The following CFAP54 variants were observed in gnomAD, a reference collection of about 807,000 sequenced individuals.
The protein encoded by CFAP54 is cilia and flagella associated protein 54, also known as cilia- and flagella-associated protein 54.
A neutral mutation model predicts 370.4 loss-of-function variants in CFAP54; 290 were observed. That is an observed-to-expected ratio of 0.78 (90% CI 0.71 to 0.86). The LOEUF is 0.86. Ranked by LOEUF, CFAP54 falls within the 40% of genes least tolerant of loss-of-function variation. The pLI is 0.00. For missense variants in CFAP54, 3,399 were observed against 3,528.7 expected, an observed-to-expected ratio of 0.96 and a Z score of 0.93; for synonymous variants, 1,206 against 1,236.5, an observed-to-expected ratio of 0.98 and a Z score of 0.52.
intron 28 of CFAP54, among the ~76,000 whole-genome samples, chr12:96,625,303 T>G (rs1033693143): frequency 6.6e-6 from 1 of 152,198 alleles, no homozygotes; most frequent in African/African-American, 2.4e-5. Context: ...AATGTCATAG[T>G]TAGAATTTGA....
intron 17 of CFAP54, chr12:96,555,026 A>G: frequency 2.9e-6 from 1 of 340,192 alleles, no homozygotes; most frequent in Non-Finnish European, 5.2e-6. Context: ...TAAAAAGTTA[A>G]TTATGTTTAT....
At chr12:96,765,838 A>G (rs138761678) in intron 60 of CFAP54, among the ~76,000 whole-genome samples, 223 of 152,356 alleles carry the variant, frequency 1.5e-3, no homozygotes, top group African/African-American at 5.1e-3. Flanking sequence ...CTTTGATAGT[A>G]AACTATAATA....
In CFAP54 at chr12:96,589,434, A is replaced by G; in HGVS notation, c.3083A>G (p.Tyr1028Cys). 2.0e-6 allele frequency: 3 copies of G among 1,530,062 alleles called. No homozygotes were observed. Among genetic ancestry groups the G allele is most frequent in the Non-Finnish European group, 2.6e-6 (3 of 1,143,124 alleles). 94.8% of individuals were successfully genotyped at this position (1,530,062 alleles called of 1,614,324 possible). The stretch of plus-strand genomic sequence containing the variant: ...ATGTGCTTTTTGTTATAGGTTGCCT[A>G]TCAAGTTGGTAACTATGAATTGGCT... Reference protein sequence around the residue: ...TARMFLTQVAYQVGNYELAKK... With the variant: ...TARMFLTQVACQVGNYELAKK... The change falls in exon 23 of 68, where the codon TAT (tyrosine) becomes TGT (cysteine). Residue 1028 changes from tyrosine (Y) to cysteine (C), a missense_variant. Tyr to Cys is a radical substitution (Grantham distance 194). Around this residue, in one of 3 missense-constraint regions of CFAP54, gnomAD observed 2,796 missense variants for 2,869.7 expected, o/e 0.97. Coordinates refer to ENST00000524981, the MANE Select transcript of CFAP54 (RefSeq NM_001306084.2).
chr12:96,644,212 C>G lies in CFAP54; in HGVS notation c.4351C>G (p.Arg1451Gly), dbSNP rs762233735. 9.8e-6 allele frequency: 15 copies of G among 1,535,682 alleles called. No individual in the cohort carries two copies. Among genetic ancestry groups the G allele is most frequent in the Non-Finnish European group, 1.3e-5 (15 of 1,146,670 alleles). The change falls in exon 33 of 68, where the codon CGA (arginine) becomes GGA (glycine). Residue 1451 changes from arginine (R) to glycine (G), a missense_variant. By Grantham distance (125) the Arg-to-Gly change is moderately radical. Coordinates refer to ENST00000524981, the MANE Select transcript of CFAP54 (RefSeq NM_001306084.2). ...RRTSVRKAAQ[R>G]YLMDYLNPLI... ...AACCAGTGTTAGGAAAGCAGCACAA[C>G]GATACCTGATGGATTACTTGAATCC...
rs115324049 is a variant in CFAP54 at position 96,794,970 on chromosome 12, G to A, written c.8850+2471G>A. Among the ~76,000 whole-genome samples, 299 of 152,278 alleles carry A rather than the reference G, an allele frequency of 2.0e-3. 3 individuals carry two copies. The highest frequency in any genetic ancestry group is 7.0e-3 in the African/African-American group (291 of 41,544). ...TGTTCTCCCCCTTCCCCTAGGGATG[G>A]AGCTTCCTGAGAACTGAACTGCAGT... is the stretch of plus-strand genomic sequence containing the variant. On this transcript the variant is annotated intron_variant, in intron 63 of 67. Coordinates refer to ENST00000524981, the MANE Select transcript of CFAP54 (RefSeq NM_001306084.2).
chr12:96,694,788 C>T (rs1026070857), intron 45 of CFAP54, among the ~76,000 whole-genome samples: 5 of 151,692 alleles, frequency 3.3e-5, no homozygotes, highest in African/African-American at 1.2e-4. Flanking sequence ...CTTTGGGAGG[C>T]CGGGGTGGGC....
At chr12:96,731,073 T>G (rs955576909) in intron 50 of CFAP54, among the ~76,000 whole-genome samples, 2 of 152,182 alleles carry the variant, frequency 1.3e-5, no homozygotes, top group Non-Finnish European at 2.9e-5. Flanking sequence ...TTTGCATTAT[T>G]CACTGTGTCG....
intron 1 of CFAP54, among the ~76,000 whole-genome samples, chr12:96,498,276 A>G (rs528637222): frequency 2.0e-5 from 3 of 152,368 alleles, no homozygotes; most frequent in Non-Finnish European, 4.4e-5. Context: ...TCCACATGCC[A>G]AAAAATGAAT....
chr12:96,790,488 C>T (rs1484017962), intron 62 of CFAP54, among the ~76,000 whole-genome samples: 2 of 152,016 alleles, frequency 1.3e-5, no homozygotes, highest in African/African-American at 4.8e-5. Flanking sequence ...TATAATTTAT[C>T]ATTATTAGAC....
At chr12:96,549,493 A>G (rs1252581283) in intron 15 of CFAP54, among the ~76,000 whole-genome samples, 1 of 152,152 alleles carries the variant, frequency 6.6e-6, no homozygotes, top group Non-Finnish European at 1.5e-5. Flanking sequence ...AACAGTGTGA[A>G]TTTTACCCCC....
At chr12:96,553,585 A>G (rs992764299) in intron 15 of CFAP54, among the ~76,000 whole-genome samples, 4 of 147,846 alleles carry the variant, frequency 2.7e-5, no homozygotes, top group African/African-American at 9.9e-5. Flanking sequence ...TATATATAAC[A>G]TGCATATATC....
At chr12:96,838,008 C>T (rs569624750) in intron 66 of CFAP54, among the ~76,000 whole-genome samples, 2 of 152,328 alleles carry the variant, frequency 1.3e-5, no homozygotes, top group South Asian at 4.1e-4. Flanking sequence ...CTAGTTCCCT[C>T]TATGAAGTTA....
rs528160491 is a variant in CFAP54 at position 96,742,313 on chromosome 12, T to A, written c.7072-126T>A. 105 of 631,014 alleles carry A rather than the reference T, an allele frequency of 1.7e-4. 1 individual carries two copies. In the South Asian group the frequency reaches 2.3e-3, roughly 14 times the overall value. 39.1% of individuals were successfully genotyped at this position (631,014 alleles called of 1,614,324 possible). On this transcript the variant is annotated intron_variant, in intron 51 of 67. Coordinates refer to ENST00000524981, the MANE Select transcript of CFAP54 (RefSeq NM_001306084.2). ...TTATAGAATGTGCAAGAATCATTTC[T>A]AAATTTAAAATTGTAATACTGTGGA... is the stretch of plus-strand genomic sequence containing the variant.
intron 55 of CFAP54, among the ~76,000 whole-genome samples, chr12:96,746,822 C>A (rs145234870): frequency 2.0e-5 from 3 of 152,242 alleles, no homozygotes; most frequent in Non-Finnish European, 4.4e-5. Context: ...CCCATTCCTA[C>A]CATATCATTC....
intron 17 of CFAP54, among the ~76,000 whole-genome samples, chr12:96,562,537 C>T (rs1955826437): frequency 1.3e-5 from 2 of 151,344 alleles, no homozygotes; most frequent in Admixed American, 6.6e-5. Flanking sequence ...AGTGATTCTC[C>T]TGCCTCAGCC....
At chr12:96,641,507 G>A (rs1281386974) in intron 32 of CFAP54, among the ~76,000 whole-genome samples, 1 of 151,934 alleles carries the variant, frequency 6.6e-6, no homozygotes, top group Non-Finnish European at 1.5e-5. Flanking sequence ...AACCTTTGTG[G>A]AAGTCAGTGT....
chr12:96,753,716 T>C, intron 55 of CFAP54, 27 bp from the exon 56 acceptor site: 1 of 1,605,754 alleles, frequency 6.2e-7, no homozygotes, highest in African/African-American at 1.3e-5. Flanking sequence ...TTTTTTGTTC[T>C]TCCCCACCGA....
intron 62 of CFAP54, among the ~76,000 whole-genome samples, chr12:96,791,592 T>C (rs1002438661): frequency 2.0e-5 from 3 of 152,162 alleles, no homozygotes; most frequent in African/African-American, 7.2e-5. Flanking sequence ...ATTTTAGACT[T>C]TGGAGCAAAA....
At chr12:96,640,154 C>T (rs1480660109) in intron 32 of CFAP54, among the ~76,000 whole-genome samples, 11 of 152,008 alleles carry the variant, frequency 7.2e-5, no homozygotes, top group South Asian at 2.1e-4. Context: ...TGTTTGCAGA[C>T]GACATGATTA....
Sources: allele counts gnomAD v4.1 joint callset (sites outside exome capture counted in the v4.1 genomes callset), GRCh38; gene constraint gnomAD v4.1.1; regional missense constraint gnomAD v4.1.1; transcripts MANE v1.5; gene names NCBI Gene and HGNC (gene_info 2026-07-23, HGNC 2026-07-21).